Variants in SLC7A8 observed in about 807,000 individuals in gnomAD.
The protein encoded by SLC7A8 is solute carrier family 7 member 8, also known as large neutral amino acids transporter small subunit 2.
Under a neutral mutation model 51.2 loss-of-function variants are expected in SLC7A8, and 30 were observed. The ratio of observed to expected loss-of-function variants is 0.59; its 90% CI spans 0.44 to 0.80. The LOEUF (loss-of-function observed/expected upper bound fraction) is 0.80. Ranked by LOEUF, SLC7A8 falls within the 30% of genes least tolerant of loss-of-function variation. The probability of loss-of-function intolerance (pLI) is 0.00; values close to 1 mark genes in which losing one functional copy is unlikely to be tolerated. For missense variants in SLC7A8, 612 were observed against 674.4 expected, an observed-to-expected ratio of 0.91 and a Z score of 1.03; for synonymous variants, 257 against 275.8, an observed-to-expected ratio of 0.93 and a Z score of 0.67.
chr14:23,178,513 C>T (rs999789473), intron 1 of SLC7A8, among the ~76,000 whole-genome samples: 15 of 152,102 alleles, frequency 9.9e-5, no homozygotes, highest in Non-Finnish European at 1.5e-4. Context: ...TATTTTTGTC[C>T]TAGAGTCGGT....
At chr14:23,152,818 T>C (rs2048859217) in intron 3 of SLC7A8, among the ~76,000 whole-genome samples, 1 of 152,178 alleles carries the variant, frequency 6.6e-6, no homozygotes. Context: ...CCAATGAACA[T>C]TCCCACATGG....
chr14:23,154,301 G>A, intron 3 of SLC7A8: 1 of 1,000,392 alleles, frequency 1.0e-6, no homozygotes, highest in Non-Finnish European at 1.2e-6. Flanking sequence ...GCCACGCTCT[G>A]GCCAGCTCCC....
intron 6 of SLC7A8, among the ~76,000 whole-genome samples, chr14:23,138,518 T>C (rs2048712321): frequency 1.2e-5 from 1 of 80,710 alleles, no homozygotes; most frequent in South Asian, 6.3e-4. Flanking sequence ...AAGTTTATGA[T>C]TTTTGAGCCT....
chr14:23,178,204 T>G (rs1367615952), intron 1 of SLC7A8, among the ~76,000 whole-genome samples: 3 of 152,236 alleles, frequency 2.0e-5, no homozygotes, highest in Non-Finnish European at 4.4e-5. Flanking sequence ...AAGTGTTTAA[T>G]AAACACAGCT....
intron 3 of SLC7A8, among the ~76,000 whole-genome samples, chr14:23,161,969 C>A (rs2140332634): frequency 6.9e-6 from 1 of 145,392 alleles, no homozygotes; most frequent in East Asian, 2.0e-4. Flanking sequence ...TTCCTGACAG[C>A]TTGGTTCTTG....
At chr14:23,142,966 G>T in intron 4 of SLC7A8, 113 bp downstream of exon 4, 1 of 1,357,684 alleles carries the variant, frequency 7.4e-7, no homozygotes, top group Non-Finnish European at 1.0e-6. Flanking sequence ...GTCACTCAAG[G>T]CTAGAATTGG....
chr14:23,147,263 G>A (rs1303242681), intron 3 of SLC7A8, among the ~76,000 whole-genome samples: 4 of 152,116 alleles, frequency 2.6e-5, no homozygotes, highest in South Asian at 2.1e-4. Context: ...CTACTCATCC[G>A]TCATTCATGC....
chr14:23,165,489 TC>T lies in SLC7A8; in HGVS notation c.357-54del. On this transcript the variant is annotated intron_variant, in intron 2 of 10. Coordinates refer to ENST00000316902, the MANE Select transcript of SLC7A8 (RefSeq NM_012244.4). The surrounding 1 kb of genome is among the most constrained non-coding windows in gnomAD (Gnocchi z 4.2). ...AAGGCATGGCAGGGACGCAGAGCCA[TC>T]AGGGGAGAGCCCGGGCAAGTCATGC... 1 of 1,536,168 alleles carries T rather than the reference TC, an allele frequency of 6.5e-7. No individual in the cohort carries two copies.
chr14:23,182,697 G>A (rs927655575), intron 1 of SLC7A8, 67 bp downstream of exon 1: 1 of 1,474,064 alleles, frequency 6.8e-7, no homozygotes, highest in Non-Finnish European at 9.1e-7. Flanking sequence ...GCTTTCGAAG[G>A]GTTAAGATCT....
chr14:23,177,273 T>A (rs1401459269), intron 1 of SLC7A8, among the ~76,000 whole-genome samples: 2 of 152,246 alleles, frequency 1.3e-5, no homozygotes, highest in Non-Finnish European at 2.9e-5. Context: ...GATGTGTAAA[T>A]AGACTGTAAC....
intron 1 of SLC7A8, among the ~76,000 whole-genome samples, chr14:23,174,174 A>G (rs1457439865): frequency 6.6e-6 from 1 of 152,342 alleles, no homozygotes; most frequent in Admixed American, 6.5e-5. Context: ...TCCAAATACC[A>G]CCTTAAGTCA....
At chr14:23,158,599 C>G (rs1405192921) in intron 3 of SLC7A8, among the ~76,000 whole-genome samples, 1 of 152,274 alleles carries the variant, frequency 6.6e-6, no homozygotes. Context: ...CCGCCTCAGC[C>G]TCCCAAAGTG....
chr14:23,138,185 A>C, intron 6 of SLC7A8, 161 bp from the exon 7 acceptor site: 1 of 796,744 alleles, frequency 1.3e-6, no homozygotes, highest in Non-Finnish European at 1.9e-6. Context: ...GTGGACCCCT[A>C]CACAGGGTGG....
At chr14:23,132,887 CG>C (rs779138703) in intron 7 of SLC7A8, among the ~76,000 whole-genome samples, 4 of 151,896 alleles carry the variant, frequency 2.6e-5, no homozygotes, top group East Asian at 3.9e-4. Flanking sequence ...CTGCCCGCCT[CG>C]GCCTCCCAAA....
At chr14:23,157,166 C>T (rs1230886009) in intron 3 of SLC7A8, among the ~76,000 whole-genome samples, 4 of 152,182 alleles carry the variant, frequency 2.6e-5, no homozygotes, top group East Asian at 3.9e-4. Context: ...ACAGACAATA[C>T]GACCCAGTGT....
chr14:23,172,127 C>T lies in SLC7A8; in HGVS notation c.152-5587G>A, dbSNP rs931140665. ...CCTCAACAGGGTTGTTGTGGGGAAT[C>T]AAGGGAGAGGTTACATGTGAGGCAC... is the stretch of plus-strand genomic sequence containing the variant. On this transcript the variant is annotated intron_variant, in intron 1 of 10. Coordinates refer to ENST00000316902, the MANE Select transcript of SLC7A8 (RefSeq NM_012244.4). Among the ~76,000 whole-genome samples, 5 of 152,240 alleles carry T rather than the reference C, an allele frequency of 3.3e-5. No homozygotes were observed. In the East Asian group the frequency reaches 9.7e-4, roughly 29 times the overall value.
Position 23,181,653 on chromosome 14 carries a change from C to T in SLC7A8, c.151+1111G>A, listed in dbSNP as rs561445112. ...ATGGCGTCAGCCAGAGAAACTGGTT[C>T]AGGGGCACCAGGACACAACGAGCTC... On this transcript the variant is annotated intron_variant, in intron 1 of 10. Transcript: ENST00000316902. Among the ~76,000 whole-genome samples the T allele has an allele frequency of 8.5e-5, 13 of 152,350 alleles. No individual in the cohort carries two copies. In the South Asian group the frequency reaches 2.7e-3, roughly 32 times the overall value.
intron 3 of SLC7A8, chr14:23,155,265 G>A (rs770960082): frequency 6.5e-7 from 1 of 1,536,152 alleles, no homozygotes; most frequent in South Asian, 1.2e-5. Flanking sequence ...CAGAGGAGGA[G>A]GGTGCAGAGA....
intron 1 of SLC7A8, among the ~76,000 whole-genome samples, chr14:23,170,657 C>G (rs1313357451): frequency 6.6e-6 from 1 of 152,068 alleles, no homozygotes; most frequent in Non-Finnish European, 1.5e-5. Flanking sequence ...TGGGGTTTCA[C>G]CATGTTGGCC....
Sources: allele counts gnomAD v4.1 joint callset (sites outside exome capture counted in the v4.1 genomes callset), GRCh38; gene constraint gnomAD v4.1.1; non-coding constraint Gnocchi (gnomAD v3.1); transcripts MANE v1.5; gene names NCBI Gene and HGNC (gene_info 2026-07-23, HGNC 2026-07-21).